Variants in NLRP11 observed in about 807,000 individuals in gnomAD.
NLRP11 encodes the protein NACHT, LRR and PYD domains-containing protein 11.
NLRP11 carries 53 observed loss-of-function variants against 79.3 expected under a neutral mutation model. The observed-to-expected ratio is 0.67, with a 90% confidence interval of 0.54 to 0.84. NLRP11 has a LOEUF of 0.84. Among genes scored for constraint, NLRP11 ranks in the 40% least tolerant of loss-of-function variants. NLRP11 has a pLI of 0.00. For synonymous variants in NLRP11, 518 were observed against 462.6 expected (o/e 1.12, Z -1.54); for missense variants, 1,264 against 1,255.0 (o/e 1.01, Z -0.11).
chr19:55,792,736 C>T (rs1461147501), intron 6 of NLRP11, among the ~76,000 whole-genome samples: 2 of 152,232 alleles, frequency 1.3e-5, no homozygotes, highest in Non-Finnish European at 2.9e-5. Flanking sequence ...ATAGACGTTA[C>T]TTCTGGAACT....
intron 1 of NLRP11, among the ~76,000 whole-genome samples, chr19:55,830,680 C>T (rs1982669416): frequency 6.7e-6 from 1 of 150,046 alleles, no homozygotes; most frequent in Admixed American, 6.7e-5. Context: ...ACTTTTTTTA[C>T]ACCAACCTTT....
At chr19:55,789,587 C>T (rs891789766) in intron 7 of NLRP11, among the ~76,000 whole-genome samples, 188 bp from the exon 8 acceptor site, 1 of 152,224 alleles carries the variant, frequency 6.6e-6, no homozygotes, top group African/African-American at 2.4e-5. Context: ...ACTCCTAATG[C>T]ACATTAAACT....
At chr19:55,823,307 T>C (rs1283015404) in intron 1 of NLRP11, among the ~76,000 whole-genome samples, 3 of 134,136 alleles carry the variant, frequency 2.2e-5, no homozygotes, top group South Asian at 4.6e-4. Context: ...ACCACAAAGA[T>C]GGGGAAAAAA....
intron 2 of NLRP11, 139 bp from the exon 3 acceptor site, chr19:55,810,477 A>C (rs1326901793): frequency 3.2e-5 from 23 of 710,714 alleles, no homozygotes; most frequent in Non-Finnish European, 4.9e-5. Flanking sequence ...ACAAAGATAT[A>C]GGTACAAAGA....
chr19:55,821,664 G>A (rs1981751790), intron 1 of NLRP11, among the ~76,000 whole-genome samples: 1 of 148,686 alleles, frequency 6.7e-6, no homozygotes, highest in Middle Eastern at 3.4e-3. Flanking sequence ...AGTGATGGGA[G>A]AACCCATTAA....
chr19:55,832,626 T>C (rs941731668), upstream of NLRP11, among the ~76,000 whole-genome samples: 1 of 152,202 alleles, frequency 6.6e-6, no homozygotes, highest in South Asian at 2.1e-4. Context: ...GAGCTCCTCA[T>C]ATTGAACAGA....
chr19:55,795,719 A>G (rs1355274041), intron 6 of NLRP11, among the ~76,000 whole-genome samples: 6 of 152,066 alleles, frequency 3.9e-5, no homozygotes, highest in Non-Finnish European at 7.4e-5. Flanking sequence ...TGAACTCCTG[A>G]CCTTGTGATC....
intron 4 of NLRP11, among the ~76,000 whole-genome samples, chr19:55,806,166 C>T (rs1359757445): frequency 2.0e-5 from 3 of 151,188 alleles, no homozygotes; most frequent in African/African-American, 4.8e-5. Flanking sequence ...GTCTTTGGAT[C>T]GTTTTGCTTC....
chr19:55,821,688 G>A (rs1257258044), intron 1 of NLRP11, among the ~76,000 whole-genome samples: 3 of 134,708 alleles, frequency 2.2e-5, no homozygotes, highest in Non-Finnish European at 4.6e-5. Flanking sequence ...TGTTAGTGAT[G>A]GGAGAACCCA....
chr19:55,828,043 T>G (rs1306546655), intron 1 of NLRP11, among the ~76,000 whole-genome samples: 1 of 149,722 alleles, frequency 6.7e-6, no homozygotes, highest in Non-Finnish European at 1.5e-5. Context: ...TAGACTGGAT[T>G]AAGAAAATGT....
At chr19:55,790,191 G>A (rs372189806) in intron 7 of NLRP11, among the ~76,000 whole-genome samples, 1 of 152,072 alleles carries the variant, frequency 6.6e-6, no homozygotes, top group East Asian at 1.9e-4. Flanking sequence ...TCCTGATTAC[G>A]TGCCCTTAGG....
At chr19:55,795,387 C>G (rs1476017924) in intron 6 of NLRP11, among the ~76,000 whole-genome samples, 1 of 152,200 alleles carries the variant, frequency 6.6e-6, no homozygotes, top group African/African-American at 2.4e-5. Context: ...TACACGACAC[C>G]CAGTTCACGT....
At chr19:55,830,621 C>T (rs112130291) in intron 1 of NLRP11, among the ~76,000 whole-genome samples, 62 of 121,556 alleles carry the variant, frequency 5.1e-4, no homozygotes, top group Middle Eastern at 4.5e-3. Context: ...AAAAATGCAA[C>T]GTTGAGTGTG....
At chr19:55,834,799 A>T (rs1309274491), upstream of NLRP11, among the ~76,000 whole-genome samples, 1 of 152,258 alleles carries the variant, frequency 6.6e-6, no homozygotes, top group Non-Finnish European at 1.5e-5. Context: ...CCGCAGCTAT[A>T]ACAAACTCGC....
At chr19:55,820,529 A>G (rs1388966479) in intron 1 of NLRP11, among the ~76,000 whole-genome samples, 1 of 152,104 alleles carries the variant, frequency 6.6e-6, no homozygotes, top group African/African-American at 2.4e-5. Flanking sequence ...AGGGGAAGCA[A>G]TCGCACCCTT....
At chr19:55,787,529 T>C (rs1378124907) in intron 9 of NLRP11, among the ~76,000 whole-genome samples, 1 of 152,076 alleles carries the variant, frequency 6.6e-6, no homozygotes, top group Non-Finnish European at 1.5e-5. Flanking sequence ...TAGAAATGGG[T>C]TTTCACCATG....
chr19:55,822,302 A>G (rs1981823382), intron 1 of NLRP11, among the ~76,000 whole-genome samples: 2 of 152,022 alleles, frequency 1.3e-5, no homozygotes. Flanking sequence ...TCTCATTGGA[A>G]TTTCTCTTCT....
chr19:55,823,539 T>C lies in NLRP11; in HGVS notation c.-62-5303A>G, dbSNP rs1374610208. 2.5e-4 allele frequency among the ~76,000 whole-genome samples: 34 copies of C among 137,758 alleles called. No individual in the cohort carries two copies. The East Asian group carries it at 5.8e-3, about 24-fold the overall frequency. 90.4% of individuals were successfully genotyped at this position (137,758 alleles called of 152,430 possible). On this transcript the variant is annotated intron_variant, in intron 1 of 9. Coordinates refer to ENST00000589093, the Ensembl canonical transcript of NLRP11. ...AAAAAAATTTAGAAGAATGTATAAC[T>C]AGAATAACCAATACAGAGAAGTGCT...
intron 4 of NLRP11, among the ~76,000 whole-genome samples, chr19:55,802,146 C>T (rs1030370455): frequency 2.0e-5 from 3 of 152,096 alleles, no homozygotes; most frequent in Non-Finnish European, 2.9e-5. Flanking sequence ...TAAATTACTC[C>T]GTTTCAGCAG....
Sources: gnomAD v4.1 joint callset for allele counts (sites outside exome capture counted in the v4.1 genomes callset) on GRCh38, gnomAD v4.1.1 for gene constraint, MANE v1.5 for transcripts, NCBI Gene and HGNC (gene_info 2026-07-23, HGNC 2026-07-21) for gene names.